Variants in APELA observed in about 807,000 individuals in gnomAD.
The protein encoded by APELA is protein Elabela.
At chr4:164,882,395 C>T (rs1730671035) in intron 2 of APELA, among the ~76,000 whole-genome samples, 1 of 152,010 alleles carries the variant, frequency 6.6e-6, no homozygotes, top group South Asian at 2.1e-4. Flanking sequence ...TGAGCCACTG[C>T]GCCTGGTCTA....
At chr4:164,898,077 G>A (rs917568277), downstream of APELA, among the ~76,000 whole-genome samples, 4 of 151,980 alleles carry the variant, frequency 2.6e-5, no homozygotes, top group Non-Finnish European at 5.9e-5. Flanking sequence ...TTTTATTAGA[G>A]ACGGGGGTTC....
intron 2 of APELA, among the ~76,000 whole-genome samples, chr4:164,894,712 T>C (rs1730942082): frequency 6.6e-6 from 1 of 152,150 alleles, no homozygotes; most frequent in African/African-American, 2.4e-5. Flanking sequence ...GCCACACATA[T>C]ATTTTTTCGA....
chr4:164,879,978 G>T (rs1730627689), intron 2 of APELA, among the ~76,000 whole-genome samples: 1 of 152,134 alleles, frequency 6.6e-6, no homozygotes, highest in African/African-American at 2.4e-5. Context: ...TGGTAATACT[G>T]CTTGAATCAG....
intron 2 of APELA, among the ~76,000 whole-genome samples, chr4:164,884,149 A>AAGAAAG (rs1730721682): frequency 6.7e-6 from 1 of 149,768 alleles, no homozygotes; most frequent in South Asian, 2.1e-4. Flanking sequence ...GAAAGAAAGA[A>AAGAAAG]AGAAAGAAAG....
At chr4:164,889,769 GA>G (rs913666500) in intron 2 of APELA, among the ~76,000 whole-genome samples, 5 of 151,348 alleles carry the variant, frequency 3.3e-5, no homozygotes, top group Admixed American at 3.3e-4. Flanking sequence ...AAATATTCAG[GA>G]AAAAAAACAG....
chr4:164,893,272 G>A (rs1730914820), intron 2 of APELA, among the ~76,000 whole-genome samples: 1 of 152,056 alleles, frequency 6.6e-6, no homozygotes, highest in Admixed American at 6.6e-5. Context: ...TACTTTAGCT[G>A]TATTCCCTAA....
chr4:164,898,326 A>AG (rs1179324061), downstream of APELA, among the ~76,000 whole-genome samples: 1 of 151,100 alleles, frequency 6.6e-6, no homozygotes, highest in African/African-American at 2.4e-5. Context: ...ACATGGAGAA[A>AG]CCCCATCTCT....
chr4:164,883,393 G>C (rs890121813), intron 2 of APELA, among the ~76,000 whole-genome samples: 1 of 152,024 alleles, frequency 6.6e-6, no homozygotes, highest in East Asian at 1.9e-4. Context: ...AAGTGAAATA[G>C]GAGGTCATTA....
chr4:164,883,274 G>T (rs1269330541), intron 2 of APELA, among the ~76,000 whole-genome samples: 1 of 152,070 alleles, frequency 6.6e-6, no homozygotes, highest in Non-Finnish European at 1.5e-5. Flanking sequence ...GAACTCTTCT[G>T]CACTTCATAT....
intron 2 of APELA, among the ~76,000 whole-genome samples, chr4:164,884,126 A>AGAAAGAAG (rs1247446671): frequency 1.1e-4 from 16 of 146,792 alleles, no homozygotes; most frequent in Admixed American, 1.1e-3. Flanking sequence ...AGAAAGAGAA[A>AGAAAGAAG]GAAAGAAAGA....
At chr4:164,877,558 A>G (rs1730577552) in intron 1 of APELA, among the ~76,000 whole-genome samples, 151 bp downstream of exon 1, 1 of 152,176 alleles carries the variant, frequency 6.6e-6, no homozygotes, top group Non-Finnish European at 1.5e-5. Flanking sequence ...AAAGTATGCT[A>G]TCTATCCTGT....
intron 2 of APELA, among the ~76,000 whole-genome samples, chr4:164,894,304 G>A (rs538153323): frequency 5.9e-5 from 9 of 151,970 alleles, no homozygotes; most frequent in East Asian, 1.9e-4. Context: ...CAACCTGGGC[G>A]ACAAACATGT....
chr4:164,892,473 C>T (rs897134825), intron 2 of APELA, among the ~76,000 whole-genome samples: 20 of 152,040 alleles, frequency 1.3e-4, no homozygotes, highest in Non-Finnish European at 2.8e-4. Flanking sequence ...ATTGTATTTC[C>T]GAGGTAAATC....
chr4:164,888,079 T>C (rs759391696), intron 2 of APELA, among the ~76,000 whole-genome samples: 35 of 152,330 alleles, frequency 2.3e-4, no homozygotes, highest in African/African-American at 5.3e-4. Context: ...CAGGCTGTTG[T>C]ACCCTGCAAG....
intron 2 of APELA, among the ~76,000 whole-genome samples, chr4:164,886,110 A>G (rs1730765587): frequency 6.6e-6 from 1 of 151,952 alleles, no homozygotes; most frequent in South Asian, 2.1e-4. Context: ...TTTTATCAGT[A>G]TTGAAATATG....
At chr4:164,880,894 T>G (rs73871521) in intron 2 of APELA, among the ~76,000 whole-genome samples, 2,941 of 152,316 alleles carry the variant, frequency 0.019, 85 homozygotes, top group African/African-American at 0.066. Flanking sequence ...AGCAACTCTT[T>G]ACAAAAGTTG....
downstream of APELA, among the ~76,000 whole-genome samples, chr4:164,897,853 T>C (rs1165536292): frequency 6.6e-6 from 1 of 152,198 alleles, no homozygotes; most frequent in Non-Finnish European, 1.5e-5. Flanking sequence ...GCCAAATCTG[T>C]GTTCTTTAAA....
In APELA at chr4:164,896,219, A is replaced by G. The variant is rs1005425652; in HGVS notation, c.*805A>G. The G allele has an allele frequency of 6.6e-6, 1 of 152,012 alleles. No individual in the cohort carries two copies. The highest frequency in any genetic ancestry group is 1.5e-5 in the Non-Finnish European group (1 of 68,002). 9.4% of individuals were successfully genotyped at this position (152,012 alleles called of 1,614,324 possible). On this transcript the variant is annotated 3_prime_UTR_variant, in exon 3 of 3. Coordinates refer to ENST00000507152, the MANE Select transcript of APELA (RefSeq NM_001297550.2). ...AGTGATTCTCGTGCCTCAACCTCCCAATTATAGGCTGGGATTACAGGTGTG... is the reference window on the plus strand; with the variant it reads ...AGTGATTCTCGTGCCTCAACCTCCCGATTATAGGCTGGGATTACAGGTGTG...
rs74458030 is a variant in APELA, at chr4:164,882,035, C to G, written c.*1+3026C>G. 5.2e-3 allele frequency among the ~76,000 whole-genome samples: 791 copies of G among 152,176 alleles called. 5 individuals are homozygous for G. Among genetic ancestry groups the G allele is most frequent in the African/African-American group, 0.018 (738 of 41,532 alleles). Reference sequence around the variant, plus strand: ...CCTAGACTCTGTCTCTAAAACATTACTTACTTAATATGTACTCTAGATAAC... The same window carrying G: ...CCTAGACTCTGTCTCTAAAACATTAGTTACTTAATATGTACTCTAGATAAC... On this transcript the variant is annotated intron_variant, in intron 2 of 2. Coordinates refer to ENST00000507152, the MANE Select transcript of APELA (RefSeq NM_001297550.2).
Sources: allele counts gnomAD v4.1 joint callset (sites outside exome capture counted in the v4.1 genomes callset), GRCh38; gene constraint gnomAD v4.1.1; transcripts MANE v1.5; gene names NCBI Gene and HGNC (gene_info 2026-07-23, HGNC 2026-07-21).